INVS: variants seen among roughly 807,000 people sequenced by gnomAD.
INVS encodes inversion of embryo turning homolog.
In INVS, 86 loss-of-function variants were observed where a neutral mutation model predicts 108.8. The observed-to-expected ratio is 0.79, with a 90% CI of 0.66 to 0.95. The LOEUF is 0.95. Ranked by LOEUF, INVS falls within the 40% of genes least tolerant of loss-of-function variation. INVS has a pLI of 0.00. For synonymous variants in INVS, 455 were observed against 473.5 expected (o/e 0.96, Z 0.51); for missense variants, 1,169 against 1,297.4 (o/e 0.90, Z 1.52).
chr9:100,263,619 G>T (rs967232525), intron 10 of INVS, among the ~76,000 whole-genome samples: 1 of 152,236 alleles, frequency 6.6e-6, no homozygotes, highest in South Asian at 2.1e-4. Flanking sequence ...CCCATCTCAA[G>T]TTCAGCTGAT....
chr9:100,140,468 A>G (rs965466021), intron 3 of INVS, among the ~76,000 whole-genome samples: 4 of 152,172 alleles, frequency 2.6e-5, no homozygotes, highest in Non-Finnish European at 5.9e-5. Context: ...TAAGGCAAGA[A>G]TAGGCCATTT....
intron 3 of INVS, among the ~76,000 whole-genome samples, chr9:100,173,852 TG>T (rs1005694872): frequency 1.3e-5 from 2 of 152,092 alleles, no homozygotes; most frequent in African/African-American, 4.8e-5. Context: ...TAAACATAGA[TG>T]GGGAAAAATT....
chr9:100,259,584 C>T (rs1832543389), intron 10 of INVS, among the ~76,000 whole-genome samples: 1 of 142,728 alleles, frequency 7.0e-6, no homozygotes, highest in Non-Finnish European at 1.5e-5. Context: ...TCCTCCCAGG[C>T]TGGAGCGCAG....
intron 3 of INVS, among the ~76,000 whole-genome samples, chr9:100,146,505 G>C (rs1828619628): frequency 6.6e-6 from 1 of 152,150 alleles, no homozygotes; most frequent in South Asian, 2.1e-4. Context: ...GGCTTAGCTT[G>C]GGCTCAGAGG....
At chr9:100,231,306 C>T (rs2118439425) in intron 5 of INVS, among the ~76,000 whole-genome samples, 1 of 152,018 alleles carries the variant, frequency 6.6e-6, no homozygotes, top group South Asian at 2.1e-4. Context: ...TTTTTTGTAT[C>T]TCAAATTTTC....
At position 100,194,453 on chromosome 9, in the gene INVS, T is replaced by C. The variant is rs138512864; in HGVS notation, c.274-31609T>C. 3.2e-4 allele frequency among the ~76,000 whole-genome samples: 48 copies of C among 152,310 alleles called. 2 individuals carry two copies. The East Asian group carries it at 8.1e-3, about 26-fold the overall frequency. On this transcript the variant is annotated intron_variant, in intron 3 of 16. Transcript: ENST00000262457. ...TCATTCTATTAGTCGTTTCATAGATTTTTTAGTCTCCTACATAAACAATCG... is the reference window on the plus strand; with the variant it reads ...TCATTCTATTAGTCGTTTCATAGATCTTTTAGTCTCCTACATAAACAATCG...
intron 3 of INVS, among the ~76,000 whole-genome samples, chr9:100,155,325 ATTATTTTTTATTT>A (rs1828940466): frequency 6.6e-6 from 1 of 151,948 alleles, no homozygotes; most frequent in Admixed American, 6.6e-5. Flanking sequence ...AAGTGAATTT[ATTATTTTTTATTT>A]TTATTTTTTA....
chr9:100,237,117 C>T (rs1456021897), intron 5 of INVS, among the ~76,000 whole-genome samples: 2 of 152,172 alleles, frequency 1.3e-5, no homozygotes, highest in African/African-American at 4.8e-5. Context: ...CTGTGGTGGG[C>T]TCCGCTCAGT....
At chr9:100,116,546 C>G (rs1433160661) in intron 2 of INVS, among the ~76,000 whole-genome samples, 1 of 152,034 alleles carries the variant, frequency 6.6e-6, no homozygotes, top group Non-Finnish European at 1.5e-5. Flanking sequence ...ATTGTGTTTT[C>G]AAACACAATT....
chr9:100,172,677 G>A (rs1193462454), intron 3 of INVS, among the ~76,000 whole-genome samples: 1 of 152,148 alleles, frequency 6.6e-6, no homozygotes, highest in Non-Finnish European at 1.5e-5. Flanking sequence ...TGTAATCAAG[G>A]GCAGCTATTG....
rs190168118 is a variant in INVS at position 100,253,000 on chromosome 9, T to A, written c.1328T>A (p.Ile443Lys). ...GGNADVCQILIENKINPNVQD... is the reference protein window; with the variant it reads ...GGNADVCQILKENKINPNVQD... ...AATGCTGATGTTTGCCAGATATTAA[T>A]AGAAAATAAGATCAATCCAAATGTC... is the stretch of plus-strand genomic sequence containing the variant. The change falls in exon 10 of 17, where the codon ATA (isoleucine) becomes AAA (lysine). Residue 443 changes from isoleucine (I) to lysine (K), a missense_variant. By Grantham distance (102) the Ile-to-Lys change is moderately radical. This residue lies in a region of INVS where 271 missense variants were observed against 363.8 expected (regional missense o/e 0.74). Coordinates refer to ENST00000262457, the MANE Select transcript of INVS (RefSeq NM_014425.5). The A allele has an allele frequency of 6.2e-7, 1 of 1,614,000 alleles. No individual in the cohort carries two copies.
At chr9:100,163,184 C>CT (rs1196881823) in intron 3 of INVS, among the ~76,000 whole-genome samples, 23 of 105,254 alleles carry the variant, frequency 2.2e-4, no homozygotes, top group Admixed American at 1.3e-3. Flanking sequence ...GATGTTCTTT[C>CT]TATTTTTTTT....
intron 1 of INVS, among the ~76,000 whole-genome samples, chr9:100,100,935 A>G (rs1229298802): frequency 9.5e-5 from 4 of 42,296 alleles, no homozygotes; most frequent in African/African-American, 4.5e-4. Flanking sequence ...TATAATATAT[A>G]TAATATATAT....
chr9:100,116,274 A>G (rs1379438404), intron 2 of INVS, among the ~76,000 whole-genome samples: 2 of 151,374 alleles, frequency 1.3e-5, no homozygotes, highest in African/African-American at 2.4e-5. Context: ...GCACCTGGCT[A>G]ATTTTTATAT....
chr9:100,250,514 C>T (rs1357977685), intron 8 of INVS, among the ~76,000 whole-genome samples: 1 of 150,824 alleles, frequency 6.6e-6, no homozygotes, highest in Non-Finnish European at 1.5e-5. Context: ...CAGTGGTTCC[C>T]AAATTCAAGA....
intron 3 of INVS, among the ~76,000 whole-genome samples, chr9:100,225,714 A>C (rs1031964181): frequency 5.3e-5 from 8 of 151,720 alleles, no homozygotes; most frequent in Non-Finnish European, 1.0e-4. Flanking sequence ...TTAAGAAAAA[A>C]AATGTGAAAA....
At chr9:100,229,934 C>T (rs1831453647) in intron 5 of INVS, 107 bp downstream of exon 5, 1 of 1,028,736 alleles carries the variant, frequency 9.7e-7, no homozygotes, top group Admixed American at 2.0e-5. Flanking sequence ...AATTATTAAG[C>T]AAAAGAATAC....
At chr9:100,115,931 A>G (rs1311703366) in intron 2 of INVS, among the ~76,000 whole-genome samples, 2 of 152,028 alleles carry the variant, frequency 1.3e-5, no homozygotes, top group South Asian at 2.1e-4. Context: ...AAGTGTTCCT[A>G]TTTCTCCACA....
At chr9:100,159,931 G>A (rs1160889541) in intron 3 of INVS, among the ~76,000 whole-genome samples, 2 of 152,078 alleles carry the variant, frequency 1.3e-5, no homozygotes, top group African/African-American at 4.8e-5. Flanking sequence ...TGCTGCCCTG[G>A]ACCATCTCCC....
Sources: allele counts gnomAD v4.1 joint callset (sites outside exome capture counted in the v4.1 genomes callset), GRCh38; gene constraint gnomAD v4.1.1; regional missense constraint gnomAD v4.1.1; transcripts MANE v1.5; gene names NCBI Gene and HGNC (gene_info 2026-07-23, HGNC 2026-07-21).